Variants in CYTH1 observed in about 807,000 individuals in gnomAD.
CYTH1 encodes cytohesin 1, also known as cytohesin-1.
In CYTH1, 18 loss-of-function variants were observed where a neutral mutation model predicts 61.8. That is an observed-to-expected ratio of 0.29 (90% confidence interval 0.20 to 0.43). CYTH1 has a LOEUF of 0.43. Ranked by LOEUF, CYTH1 falls within the 20% of genes least tolerant of loss-of-function variation. CYTH1 has a pLI of 1.00. For missense variants in CYTH1, 336 were observed against 510.5 expected (o/e 0.66, Z 3.29); for synonymous variants, 174 against 184.3 (o/e 0.94, Z 0.45).
intron 1 of CYTH1, among the ~76,000 whole-genome samples, chr17:78,780,631 G>A (rs1037085271): frequency 2.6e-5 from 4 of 152,208 alleles, no homozygotes; most frequent in East Asian, 1.9e-4. Flanking sequence ...AACACTGTGC[G>A]AGGCAGAGGT....
At chr17:78,714,686 G>A (rs377358406) in intron 1 of CYTH1, among the ~76,000 whole-genome samples, 3 of 152,072 alleles carry the variant, frequency 2.0e-5, no homozygotes, top group Admixed American at 6.5e-5. Context: ...TGGCTCACTC[G>A]CCCTGAAGCC....
chr17:78,776,313 G>T (rs2093490663), intron 1 of CYTH1, among the ~76,000 whole-genome samples: 1 of 152,034 alleles, frequency 6.6e-6, no homozygotes, highest in Non-Finnish European at 1.5e-5. Context: ...ATTATATGTG[G>T]TTTTCTGTTT....
intron 1 of CYTH1, among the ~76,000 whole-genome samples, chr17:78,746,828 G>C (rs1384670672): frequency 6.6e-6 from 1 of 152,018 alleles, no homozygotes; most frequent in Non-Finnish European, 1.5e-5. Flanking sequence ...TGTAGTCTCA[G>C]CTACTTCAGA....
chr17:78,706,777 T>G (rs989358053), intron 3 of CYTH1, among the ~76,000 whole-genome samples: 4 of 152,202 alleles, frequency 2.6e-5, no homozygotes, highest in African/African-American at 9.7e-5. Flanking sequence ...TGAAGTACCG[T>G]TTCATGGTGG....
At chr17:78,683,705 A>C (rs2092787064) in intron 11 of CYTH1, among the ~76,000 whole-genome samples, 1 of 152,226 alleles carries the variant, frequency 6.6e-6, no homozygotes, top group South Asian at 2.1e-4. Flanking sequence ...CTCTCCTGTG[A>C]GCGAGCACTC....
chr17:78,729,254 T>C (rs1346088103), intron 1 of CYTH1, among the ~76,000 whole-genome samples: 1 of 152,108 alleles, frequency 6.6e-6, no homozygotes, highest in Non-Finnish European at 1.5e-5. Flanking sequence ...ACTATAAGTA[T>C]GTGCCACACC....
intron 11 of CYTH1, among the ~76,000 whole-genome samples, chr17:78,690,965 C>T (rs2092879119): frequency 6.6e-6 from 1 of 152,042 alleles, no homozygotes; most frequent in Non-Finnish European, 1.5e-5. Context: ...GTGTAGGTGT[C>T]TTCAGAAAAA....
chr17:78,675,711 G>A lies in CYTH1; in HGVS notation c.*380C>T. 8.2e-6 allele frequency: 4 copies of A among 488,176 alleles called. No homozygotes were observed. Among genetic ancestry groups the A allele is most frequent in the Admixed American group, 7.6e-5 (2 of 26,324 alleles). The allele number at this position is 488,176 out of a possible 1,614,324, so 30.2% of individuals were successfully genotyped here. A position where few individuals can be genotyped will look rare whatever the true frequency, so the allele number is the denominator to read the frequency against. ...TTCTCTTAACATATAATAATATATG[G>A]ACACATGTATTTATGGTGCAGGGTT... On this transcript the variant is annotated 3_prime_UTR_variant, in exon 14 of 14. Coordinates refer to ENST00000446868, the MANE Select transcript of CYTH1 (RefSeq NM_004762.6).
chr17:78,760,922 A>G (rs1322019820), intron 1 of CYTH1, among the ~76,000 whole-genome samples: 1 of 151,792 alleles, frequency 6.6e-6, no homozygotes, highest in Non-Finnish European at 1.5e-5. Context: ...TGGGATACCC[A>G]CCTCCCGGGT....
intron 5 of CYTH1, 75 bp downstream of exon 5, chr17:78,702,047 G>A: frequency 8.0e-7 from 1 of 1,248,166 alleles, no homozygotes; most frequent in South Asian, 1.2e-5. Flanking sequence ...GAACTTCAGA[G>A]TATTTGGGAG....
intron 1 of CYTH1, among the ~76,000 whole-genome samples, chr17:78,761,660 C>T (rs1019631402): frequency 2.6e-5 from 4 of 152,182 alleles, no homozygotes; most frequent in Non-Finnish European, 4.4e-5. Context: ...ATGACGTGAA[C>T]CCGGGAGGCG....
At chr17:78,753,778 G>A (rs1039264409) in intron 1 of CYTH1, among the ~76,000 whole-genome samples, 3 of 152,138 alleles carry the variant, frequency 2.0e-5, no homozygotes, top group African/African-American at 7.2e-5. Context: ...CTCATCTGGG[G>A]ACATCAATCA....
chr17:78,767,863 A>G (rs922674213), intron 1 of CYTH1, among the ~76,000 whole-genome samples: 1 of 152,238 alleles, frequency 6.6e-6, no homozygotes, highest in Non-Finnish European at 1.5e-5. Flanking sequence ...AATGCAGCTA[A>G]GATTCAAACG....
At chr17:78,738,826 C>T (rs1350750045) in intron 1 of CYTH1, among the ~76,000 whole-genome samples, 4 of 152,158 alleles carry the variant, frequency 2.6e-5, no homozygotes, top group Non-Finnish European at 5.9e-5. Context: ...TGTAAGAGGG[C>T]AGGTCACTTC....
chr17:78,773,699 AG>A (rs1051148374), intron 1 of CYTH1, among the ~76,000 whole-genome samples: 176 of 152,254 alleles, frequency 1.2e-3, no homozygotes, highest in African/African-American at 4.1e-3. Context: ...TCTTCTCGTA[AG>A]GAAACATTTT....
chr17:78,730,990 G>A (rs1240617308), intron 1 of CYTH1, among the ~76,000 whole-genome samples: 1 of 152,116 alleles, frequency 6.6e-6, no homozygotes, highest in East Asian at 1.9e-4. Flanking sequence ...AGGAAGAAGT[G>A]AATGTGCTAG....
Position 78,760,390 on chromosome 17 carries a change from C to T in CYTH1, c.22+21812G>A, listed in dbSNP as rs866684921. 9.2e-3 allele frequency among the ~76,000 whole-genome samples: 403 copies of T among 43,986 alleles called. 4 individuals carry two copies. The highest frequency in any genetic ancestry group is 0.03 in the African/African-American group (346 of 11,514). The allele number at this position is 43,986 out of a possible 152,430, so 28.9% of individuals were successfully genotyped here. A position where few individuals can be genotyped will look rare whatever the true frequency, so the allele number is the denominator to read the frequency against. ...ATATATATATATATATATATACACA[C>T]ACATACATATATATATGTGTATATA... On this transcript the variant is annotated intron_variant, in intron 1 of 13. Transcript: ENST00000446868.
intron 1 of CYTH1, among the ~76,000 whole-genome samples, chr17:78,759,665 GA>G: frequency 6.6e-6 from 1 of 152,176 alleles, no homozygotes; most frequent in East Asian, 1.9e-4. Context: ...CCTCCAAGCG[GA>G]ATACTGAATG....
intron 1 of CYTH1, among the ~76,000 whole-genome samples, chr17:78,763,575 T>C (rs2093436991): frequency 2.0e-5 from 3 of 152,026 alleles, no homozygotes; most frequent in South Asian, 4.2e-4. Context: ...CAGAGATTAA[T>C]AATAAACTAA....
Sources: allele counts gnomAD v4.1 joint callset (sites outside exome capture counted in the v4.1 genomes callset), GRCh38; gene constraint gnomAD v4.1.1; transcripts MANE v1.5; gene names NCBI Gene and HGNC (gene_info 2026-07-23, HGNC 2026-07-21).